The following SPATA6 variants were observed in gnomAD, a reference collection of about 807,000 sequenced individuals.
The protein encoded by SPATA6 is spermatogenesis-associated protein 6.
Under a neutral mutation model 65.3 loss-of-function variants are expected in SPATA6, and 56 were observed. That is an observed-to-expected ratio of 0.86 (90% CI 0.69 to 1.07). SPATA6 has a LOEUF of 1.07. Among genes scored for constraint, SPATA6 ranks in the 50% least tolerant of loss-of-function variants. The pLI, the probability that SPATA6 is intolerant of heterozygous loss-of-function variation, is 0.00. For missense variants in SPATA6, 590 were observed against 594.8 expected (o/e 0.99, Z 0.08); for synonymous variants, 199 against 213.2 (o/e 0.93, Z 0.58).
In SPATA6 at chr1:48,411,511, G is replaced by T. The variant is rs1652224926; in HGVS notation, c.358C>A (p.His120Asn). The change falls in exon 5 of 13, where the codon CAT becomes AAT. Residue 120 changes from histidine to asparagine, a missense_variant. Transcript: ENST00000371847. ...ATGGTAACCTGGCGGTTTGAATCATGGTGTCCAGACATTTGGTTTGGACCC... is the reference window on the plus strand; with the variant it reads ...ATGGTAACCTGGCGGTTTGAATCATTGTGTCCAGACATTTGGTTTGGACCC... ...FPGPNQMSGH[H>N]DSNRQVTMRR... is the part of the protein sequence containing the mutation. The T allele has an allele frequency of 3.7e-6, 6 of 1,610,438 alleles. No individual in the cohort carries two copies. The highest frequency in any genetic ancestry group is 5.1e-6 in the Non-Finnish European group (6 of 1,178,340).
At chr1:48,444,059 C>G (rs915493931) in intron 3 of SPATA6, among the ~76,000 whole-genome samples, 1 of 152,164 alleles carries the variant, frequency 6.6e-6, no homozygotes, top group African/African-American at 2.4e-5. Flanking sequence ...GCCCAATTCC[C>G]AATAGGAGTT....
chr1:48,451,755 C>T (rs1394237164), intron 2 of SPATA6, among the ~76,000 whole-genome samples, 155 bp from the exon 3 acceptor site: 3 of 152,272 alleles, frequency 2.0e-5, no homozygotes, highest in East Asian at 1.9e-4. Context: ...ACAAAAGATT[C>T]TACAAATAAC....
chr1:48,416,697 C>T (rs1652817958), intron 3 of SPATA6, among the ~76,000 whole-genome samples: 2 of 152,048 alleles, frequency 1.3e-5, no homozygotes, highest in African/African-American at 4.8e-5. Flanking sequence ...GATACTAAAA[C>T]CTGACAAGGA....
intron 5 of SPATA6, among the ~76,000 whole-genome samples, chr1:48,405,980 G>A (rs1570469740): frequency 6.6e-6 from 1 of 152,026 alleles, no homozygotes; most frequent in East Asian, 1.9e-4. Flanking sequence ...TAAAATCCTG[G>A]TATAGATAGG....
chr1:48,422,613 C>T (rs1473263752), intron 3 of SPATA6, among the ~76,000 whole-genome samples: 1 of 152,158 alleles, frequency 6.6e-6, no homozygotes. Flanking sequence ...GGATTGATAT[C>T]ATCAAGGATT....
At chr1:48,300,811 A>T (rs1644919106) in intron 12 of SPATA6, among the ~76,000 whole-genome samples, 1 of 152,194 alleles carries the variant, frequency 6.6e-6, no homozygotes, top group African/African-American at 2.4e-5. Context: ...ACAAAAAAAA[A>T]GTATAATCAT....
At chr1:48,345,681 T>G (rs1038240205) in intron 11 of SPATA6, among the ~76,000 whole-genome samples, 1 of 151,786 alleles carries the variant, frequency 6.6e-6, no homozygotes. Context: ...CCCACAGAAA[T>G]GAAAACAACC....
chr1:48,274,303 C>G, the SPATA6 span, among the ~76,000 whole-genome samples: 1 of 152,132 alleles, frequency 6.6e-6, no homozygotes, highest in South Asian at 2.1e-4. Flanking sequence ...CCTGTTCACT[C>G]TGATGATAGT....
intron 6 of SPATA6, among the ~76,000 whole-genome samples, chr1:48,402,246 T>A (rs1210249778): frequency 6.6e-6 from 1 of 152,116 alleles, no homozygotes; most frequent in African/African-American, 2.4e-5. Flanking sequence ...TGGGTAATGG[T>A]TTTACATTTA....
intron 3 of SPATA6, among the ~76,000 whole-genome samples, chr1:48,433,112 A>C (rs530567391): frequency 6.6e-6 from 1 of 152,314 alleles, no homozygotes; most frequent in East Asian, 1.9e-4. Flanking sequence ...ACAGAATGGT[A>C]GTTGCAAGAG....
chr1:48,311,004 G>A (rs981859833), intron 11 of SPATA6, among the ~76,000 whole-genome samples: 6 of 151,898 alleles, frequency 4.0e-5, no homozygotes, highest in African/African-American at 1.5e-4. Flanking sequence ...CAGCACAAGG[G>A]ACACTAGAAA....
chr1:48,404,358 CAATT>C (rs1333554308), intron 5 of SPATA6, among the ~76,000 whole-genome samples: 1 of 151,962 alleles, frequency 6.6e-6, no homozygotes. Context: ...TAGTATTACT[CAATT>C]AATTTTTTTT....
intron 9 of SPATA6, among the ~76,000 whole-genome samples, chr1:48,360,604 AAG>A (rs1223164295): frequency 6.6e-6 from 1 of 152,154 alleles, no homozygotes; most frequent in African/African-American, 2.4e-5. Flanking sequence ...ACTGGGTAGT[AAG>A]AAATGAGGTC....
chr1:48,438,065 A>C lies in SPATA6; in HGVS notation c.238+13487T>G, dbSNP rs1655110027. Among the ~76,000 whole-genome samples the C allele has an allele frequency of 2.0e-5, 3 of 152,152 alleles. 1 individual carries two copies. In the South Asian group the frequency reaches 6.2e-4, roughly 32 times the overall value. On this transcript the variant is annotated intron_variant, in intron 3 of 12. Coordinates refer to ENST00000371847, the MANE Select transcript of SPATA6 (RefSeq NM_019073.4). ...ACAAAAGGTGGCCACCCCAGCCAGC[A>C]GCGGCAACCCGCTCAGGTCCCCTTC...
chr1:48,456,570 T>C (rs186331071), intron 1 of SPATA6, among the ~76,000 whole-genome samples: 2 of 151,756 alleles, frequency 1.3e-5, no homozygotes, highest in East Asian at 3.9e-4. Context: ...TAAACAAAGA[T>C]CTGAAATCTA....
At chr1:48,341,022 C>T (rs1461285013) in intron 11 of SPATA6, among the ~76,000 whole-genome samples, 1 of 152,176 alleles carries the variant, frequency 6.6e-6, no homozygotes, top group East Asian at 1.9e-4. Flanking sequence ...AACCACGACA[C>T]ATTATCAATT....
chr1:48,327,534 G>C lies in SPATA6; in HGVS notation c.1195-21656C>G, dbSNP rs977507064. ...GAAAATAAATAATTACATTAAAAAG[G>C]CATCTGTATTCATATATTCATTGCA... On this transcript the variant is annotated intron_variant, in intron 11 of 12. Coordinates refer to ENST00000371847, the MANE Select transcript of SPATA6 (RefSeq NM_019073.4). Among the ~76,000 whole-genome samples the C allele has an allele frequency of 2.6e-5, 4 of 152,038 alleles. No individual in the cohort carries two copies. The East Asian group carries it at 7.7e-4, about 29-fold the overall frequency.
intron 3 of SPATA6, among the ~76,000 whole-genome samples, chr1:48,439,735 T>C (rs943910944): frequency 2.0e-4 from 29 of 148,670 alleles, no homozygotes; most frequent in African/African-American, 6.9e-4. Context: ...TCCTAAGCCA[T>C]TGGGACAGGC....
the SPATA6 span, among the ~76,000 whole-genome samples, chr1:48,282,501 C>G: frequency 6.6e-6 from 1 of 152,166 alleles, no homozygotes; most frequent in East Asian, 1.9e-4. Context: ...AAAAAACAAA[C>G]AACCCCATCA....
Sources: allele counts gnomAD v4.1 joint callset (sites outside exome capture counted in the v4.1 genomes callset), GRCh38; gene constraint gnomAD v4.1.1; transcripts MANE v1.5; gene names NCBI Gene and HGNC (gene_info 2026-07-23, HGNC 2026-07-21).